The following SEMA3E variants were observed in gnomAD, a reference collection of about 807,000 sequenced individuals.
SEMA3E encodes semaphorin-3E.
Under a neutral mutation model 93.6 loss-of-function variants are expected in SEMA3E, and 49 were observed. The ratio of observed to expected loss-of-function variants is 0.52; its 90% CI spans 0.42 to 0.66. The LOEUF is 0.66. Among genes scored for constraint, SEMA3E ranks in the 30% least tolerant of loss-of-function variants. The probability of loss-of-function intolerance (pLI) is 0.00; values close to 1 mark genes in which losing one functional copy is unlikely to be tolerated. For missense variants in SEMA3E, 906 were observed against 964.8 expected (o/e 0.94, Z 0.81); for synonymous variants, 363 against 330.7 (o/e 1.10, Z -1.06).
chr7:83,599,126 A>T (rs1354157247), intron 1 of SEMA3E, among the ~76,000 whole-genome samples: 1 of 152,218 alleles, frequency 6.6e-6, no homozygotes, highest in Non-Finnish European at 1.5e-5. Flanking sequence ...ATAAAGCTCT[A>T]TGATTTTGAA....
chr7:83,543,424 T>C (rs991659144), intron 1 of SEMA3E, among the ~76,000 whole-genome samples: 6 of 152,078 alleles, frequency 3.9e-5, no homozygotes, highest in Non-Finnish European at 8.8e-5. Flanking sequence ...AATACTTCTC[T>C]GATTCCAGAG....
intron 1 of SEMA3E, 68 bp downstream of exon 1, chr7:83,648,360 C>A (rs530939682): frequency 8.3e-7 from 1 of 1,209,878 alleles, no homozygotes; most frequent in Admixed American, 2.0e-5. Context: ...TGTTAAACGA[C>A]TTTTTTTTTC....
intron 1 of SEMA3E, among the ~76,000 whole-genome samples, chr7:83,549,680 A>G (rs1309083248): frequency 6.6e-6 from 1 of 152,094 alleles, no homozygotes; most frequent in East Asian, 1.9e-4. Flanking sequence ...GTAAAATGTA[A>G]ACATGTAAAA....
Position 83,363,859 on chromosome 7 carries a change from CATTTTTTTTTTTTTTTTTTTTTTTTTTTT to C in SEMA3E, c.*3698_*3726del, listed in dbSNP as rs1233168879. 8 of 100,558 alleles carry C rather than the reference CATTTTTTTTTTTTTTTTTTTTTTTTTTTT, an allele frequency of 8.0e-5. No individual in the cohort carries two copies. Among genetic ancestry groups the C allele is most frequent in the African/African-American group, 3.7e-4 (8 of 21,430 alleles). 6.2% of individuals were successfully genotyped at this position (100,558 alleles called of 1,614,324 possible). On this transcript the variant is annotated 3_prime_UTR_variant, in exon 17 of 17. Transcript: ENST00000643230. ...AGGCTACAGGTGTCACAGGTCAATT[CATTTTTTTTTTTTTTTTTTTTTTTTTTTT>C]TTTTTTTTTTTTTTTTTGAGACGGA...
intron 2 of SEMA3E, among the ~76,000 whole-genome samples, chr7:83,477,578 A>G (rs1790041274): frequency 6.6e-6 from 1 of 152,116 alleles, no homozygotes; most frequent in African/African-American, 2.4e-5. Flanking sequence ...ATTTTGAACT[A>G]TAGACAAAAT....
intron 4 of SEMA3E, among the ~76,000 whole-genome samples, chr7:83,430,038 A>G (rs748581797): frequency 6.6e-6 from 1 of 152,198 alleles, no homozygotes; most frequent in Non-Finnish European, 1.5e-5. Context: ...AACACTTAAG[A>G]AGCTTATGTT....
chr7:83,454,272 A>AAAAAAAAAAAAAAAAATATAT (rs1257792756), intron 4 of SEMA3E, among the ~76,000 whole-genome samples: 1 of 110,136 alleles, frequency 9.1e-6, no homozygotes, highest in African/African-American at 4.3e-5. Context: ...AAAAAAAAAA[A>AAAAAAAAAAAAAAAAATATAT]ATATATATAT....
intron 14 of SEMA3E, among the ~76,000 whole-genome samples, chr7:83,389,734 T>TAC (rs1338941667): frequency 4.8e-5 from 7 of 146,390 alleles, no homozygotes; most frequent in African/African-American, 1.5e-4. Flanking sequence ...CATGTATACA[T>TAC]ATATACACGT....
At chr7:83,376,366 C>T (rs779514786) in intron 16 of SEMA3E, among the ~76,000 whole-genome samples, 15 of 152,150 alleles carry the variant, frequency 9.9e-5, no homozygotes, top group South Asian at 6.2e-4. Context: ...CTCCTAGCTT[C>T]GATGACATAA....
chr7:83,380,380 T>C (rs1271824607), intron 16 of SEMA3E, among the ~76,000 whole-genome samples: 1 of 151,940 alleles, frequency 6.6e-6, no homozygotes, highest in Non-Finnish European at 1.5e-5. Context: ...CTAGAATAAT[T>C]TGTGTACACA....
intron 1 of SEMA3E, among the ~76,000 whole-genome samples, chr7:83,522,081 A>T (rs1353626548): frequency 6.6e-6 from 1 of 152,152 alleles, no homozygotes; most frequent in Non-Finnish European, 1.5e-5. Flanking sequence ...GCTACTTAGA[A>T]GTGTCCTATA....
intron 2 of SEMA3E, among the ~76,000 whole-genome samples, chr7:83,484,005 C>G (rs960986031): frequency 2.6e-5 from 4 of 152,126 alleles, no homozygotes; most frequent in Non-Finnish European, 5.9e-5. Flanking sequence ...CCAATCTGAC[C>G]CCACCTTTCC....
At chr7:83,399,276 A>C (rs529781253) in intron 11 of SEMA3E, among the ~76,000 whole-genome samples, 1 of 152,332 alleles carries the variant, frequency 6.6e-6, no homozygotes, top group Non-Finnish European at 1.5e-5. Flanking sequence ...ACTACTTTGG[A>C]GGCTGAAAGA....
intron 1 of SEMA3E, among the ~76,000 whole-genome samples, chr7:83,533,357 C>A (rs1188592321): frequency 6.6e-6 from 1 of 152,026 alleles, no homozygotes; most frequent in Non-Finnish European, 1.5e-5. Flanking sequence ...GTCTGGCCAA[C>A]ATGGCAAAAC....
intron 1 of SEMA3E, among the ~76,000 whole-genome samples, chr7:83,576,591 C>T (rs563494017): frequency 2.0e-5 from 3 of 151,992 alleles, no homozygotes; most frequent in Non-Finnish European, 4.4e-5. Flanking sequence ...GTCGAAAGAG[C>T]ATGATTCATC....
At chr7:83,571,801 G>T (rs1342614699) in intron 1 of SEMA3E, among the ~76,000 whole-genome samples, 1 of 152,184 alleles carries the variant, frequency 6.6e-6, no homozygotes. Context: ...TTTGCTGACA[G>T]TATGAATCTT....
Position 83,625,973 on chromosome 7 carries a change from G to T in SEMA3E, c.115+22455C>A, listed in dbSNP as rs538752768. 7.2e-4 allele frequency among the ~76,000 whole-genome samples: 110 copies of T among 152,090 alleles called. 1 individual carries two copies. The Middle Eastern group carries it at 0.01, about 14-fold the overall frequency. ...CATCTATTGAGATAATCATGTGGTT[G>T]TTGTAATTGGTTCTGTTTATGCGAT... On this transcript the variant is annotated intron_variant, in intron 1 of 16. Coordinates refer to ENST00000643230, the MANE Select transcript of SEMA3E (RefSeq NM_012431.3).
intron 13 of SEMA3E, 70 bp from the exon 14 acceptor site, chr7:83,392,791 T>C (rs1379015572): frequency 2.0e-5 from 28 of 1,394,348 alleles, no homozygotes; most frequent in Non-Finnish European, 2.8e-5. Context: ...CACCTAGTTT[T>C]CACATTTATA....
At chr7:83,609,013 A>G (rs1793190271) in intron 1 of SEMA3E, among the ~76,000 whole-genome samples, 1 of 152,162 alleles carries the variant, frequency 6.6e-6, no homozygotes, top group Admixed American at 6.6e-5. Context: ...AATTGTAGAG[A>G]AACTTCTGAG....
Sources: gnomAD v4.1 joint callset for allele counts (sites outside exome capture counted in the v4.1 genomes callset) on GRCh38, gnomAD v4.1.1 for gene constraint, MANE v1.5 for transcripts, NCBI Gene and HGNC (gene_info 2026-07-23, HGNC 2026-07-21) for gene names.